Variants in CADM2 observed in about 807,000 individuals in gnomAD.
CADM2 encodes immunoglobulin superfamily member 4D.
In CADM2, 12 loss-of-function variants were observed where a neutral mutation model predicts 49.8. That is an observed-to-expected ratio of 0.24 (90% CI 0.15 to 0.39). The LOEUF (loss-of-function observed/expected upper bound fraction) is 0.39. Among genes scored for constraint, CADM2 ranks in the 10% least tolerant of loss-of-function variants. The pLI is 1.00. For synonymous variants in CADM2, 214 were observed against 175.4 expected, an observed-to-expected ratio of 1.22 and a Z score of -1.74; for missense variants, 378 against 492.3, an observed-to-expected ratio of 0.77 and a Z score of 2.20.
intron 2 of CADM2, among the ~76,000 whole-genome samples, chr3:85,778,197 T>A (rs182476327): frequency 6.6e-6 from 1 of 152,324 alleles, no homozygotes. Flanking sequence ...ATTCGCCTGT[T>A]GAAAAGCATT....
At chr3:85,944,177 G>A (rs1378843191) in intron 7 of CADM2, among the ~76,000 whole-genome samples, 2 of 152,030 alleles carry the variant, frequency 1.3e-5, no homozygotes, top group South Asian at 4.2e-4. Flanking sequence ...GACAAAAAAG[G>A]CCGTTACGTA....
intron 1 of CADM2, among the ~76,000 whole-genome samples, chr3:84,962,339 A>G (rs2030618212): frequency 6.6e-6 from 1 of 151,794 alleles, no homozygotes; most frequent in African/African-American, 2.4e-5. Context: ...TCTCATGTTT[A>G]TGGCTGCCTC....
intron 1 of CADM2, among the ~76,000 whole-genome samples, chr3:85,273,581 G>T (rs2043293107): frequency 6.7e-6 from 1 of 148,182 alleles, no homozygotes; most frequent in African/African-American, 2.6e-5. Flanking sequence ...TTAAAGCGAA[G>T]GAGGACCCCC....
At chr3:85,972,607 A>G (rs556084908) in intron 8 of CADM2, among the ~76,000 whole-genome samples, 23 of 151,922 alleles carry the variant, frequency 1.5e-4, no homozygotes, top group African/African-American at 5.3e-4. Context: ...TTTTGTTTCG[A>G]AAATCCATTC....
intron 1 of CADM2, among the ~76,000 whole-genome samples, chr3:85,027,134 A>T (rs1166739326): frequency 8.1e-5 from 1 of 12,384 alleles, no homozygotes; most frequent in Non-Finnish European, 1.5e-4. Context: ...TTTTTTTTTA[A>T]GACGGAGTCT....
chr3:85,215,358 TAAAAAAAAA>T (rs955035192), intron 1 of CADM2, among the ~76,000 whole-genome samples: 2 of 80,920 alleles, frequency 2.5e-5, no homozygotes, highest in Non-Finnish European at 4.3e-5. Context: ...CTCTCTTTTT[TAAAAAAAAA>T]AAAAAAAAAA....
intron 1 of CADM2, among the ~76,000 whole-genome samples, chr3:85,593,785 G>T (rs1201781720): frequency 6.6e-6 from 1 of 151,964 alleles, no homozygotes; most frequent in East Asian, 1.9e-4. Context: ...AATCGGATGA[G>T]AAAATTTATG....
chr3:84,979,793 G>A (rs966200237), intron 1 of CADM2, among the ~76,000 whole-genome samples: 30 of 151,858 alleles, frequency 2.0e-4, no homozygotes, highest in Non-Finnish European at 3.7e-4. Context: ...ATTAAACGTG[G>A]TGAAATGCTT....
In CADM2 at chr3:85,427,160, CTATATATATATATATATATATA is replaced by C. The variant is rs35485915; in HGVS notation, c.62-299342_62-299321del. On this transcript the variant is annotated intron_variant, in intron 1 of 9. Coordinates refer to ENST00000383699, the MANE Select transcript of CADM2 (RefSeq NM_001167675.2). ...AACATTACTCACTGATGTATTGGAA[CTATATATATATATATATATATA>C]TATATATATATATATATATGTATAA... is the stretch of plus-strand genomic sequence containing the variant. Among the ~76,000 whole-genome samples, 269 of 113,634 alleles carry C rather than the reference CTATATATATATATATATATATA, an allele frequency of 2.4e-3. 1 individual carries two copies. Among genetic ancestry groups the C allele is most frequent in the East Asian group, 0.016 (74 of 4,762 alleles). The allele number at this position is 113,634 out of a possible 152,430, so 74.5% of individuals were successfully genotyped here. A position where few individuals can be genotyped will look rare whatever the true frequency, so the allele number is the denominator to read the frequency against.
At chr3:85,282,278 T>C (rs1360850091) in intron 1 of CADM2, among the ~76,000 whole-genome samples, 21 of 148,496 alleles carry the variant, frequency 1.4e-4, no homozygotes, top group African/African-American at 4.2e-4. Context: ...CTTTTTTTTT[T>C]TTTCGGACAG....
At chr3:85,620,383 T>C (rs981779875) in intron 1 of CADM2, among the ~76,000 whole-genome samples, 1 of 152,028 alleles carries the variant, frequency 6.6e-6, no homozygotes. Flanking sequence ...TACACACAAA[T>C]ATACACTTAC....
chr3:85,704,498 T>C (rs546363357), intron 1 of CADM2, among the ~76,000 whole-genome samples: 1 of 152,166 alleles, frequency 6.6e-6, no homozygotes, highest in African/African-American at 2.4e-5. Context: ...GATGACCACT[T>C]TTCTCTCTGT....
chr3:84,984,684 A>G (rs937986578), intron 1 of CADM2, among the ~76,000 whole-genome samples: 1 of 152,186 alleles, frequency 6.6e-6, no homozygotes, highest in Non-Finnish European at 1.5e-5. Context: ...TAATTAAAGA[A>G]CAAACTATTT....
Position 84,959,448 on chromosome 3 carries a change from C to T in CADM2, c.-160C>T, listed in dbSNP as rs949681065. On this transcript the variant is annotated 5_prime_UTR_variant, in exon 1 of 10. Transcript: ENST00000383699. ...GCTTTGCCGCTGCCGCTTCTGCTGC[C>T]GCCGATCCGAGTCCGCGGGTTCGAA... The T allele has an allele frequency of 3.2e-6, 2 of 633,416 alleles. No homozygotes were observed. Among genetic ancestry groups the T allele is most frequent in the South Asian group, 2.0e-5 (1 of 51,150 alleles). 39.2% of individuals were successfully genotyped at this position (633,416 alleles called of 1,614,324 possible). A position where few individuals can be genotyped will look rare whatever the true frequency, so the allele number is the denominator to read the frequency against.
At chr3:86,063,655 A>T (rs189004387) in intron 8 of CADM2, among the ~76,000 whole-genome samples, 1 of 151,944 alleles carries the variant, frequency 6.6e-6, no homozygotes, top group Admixed American at 6.6e-5. Context: ...AAACAGTCAG[A>T]CTTTTTTTTC....
intron 1 of CADM2, among the ~76,000 whole-genome samples, chr3:85,148,427 C>T (rs9857213): frequency 1.3e-3 from 200 of 152,306 alleles, no homozygotes; most frequent in African/African-American, 4.6e-3. Flanking sequence ...CTGTATACTA[C>T]ATTATGCTCA....
intron 1 of CADM2, among the ~76,000 whole-genome samples, chr3:85,406,764 C>T (rs181692787): frequency 1.7e-3 from 256 of 152,190 alleles, no homozygotes; most frequent in Admixed American, 3.7e-3. Flanking sequence ...GAATATTGTT[C>T]GCTTGTTTTC....
chr3:85,322,448 A>T (rs1032806188), intron 1 of CADM2, among the ~76,000 whole-genome samples: 2 of 152,192 alleles, frequency 1.3e-5, no homozygotes, highest in African/African-American at 4.8e-5. Flanking sequence ...TCCTCACAAG[A>T]AATCTACACC....
chr3:85,709,448 TTCTC>T (rs1263923862), intron 1 of CADM2, among the ~76,000 whole-genome samples: 4 of 152,162 alleles, frequency 2.6e-5, no homozygotes, highest in African/African-American at 7.2e-5. Context: ...TATAGTTTAT[TTCTC>T]TCTAAGAGGC....
Sources: allele counts gnomAD v4.1 joint callset (sites outside exome capture counted in the v4.1 genomes callset), GRCh38; gene constraint gnomAD v4.1.1; transcripts MANE v1.5; gene names NCBI Gene and HGNC (gene_info 2026-07-23, HGNC 2026-07-21).